Variants in PIK3C2G observed in about 807,000 individuals in gnomAD.
The protein encoded by PIK3C2G is phosphatidylinositol 3-kinase C2 domain-containing subunit gamma.
A neutral mutation model predicts 181.1 loss-of-function variants in PIK3C2G; 168 were observed. The ratio of observed to expected loss-of-function variants is 0.93; its 90% CI spans 0.82 to 1.05. The LOEUF (loss-of-function observed/expected upper bound fraction) is 1.05, where lower values mean the gene tolerates loss of function less well. PIK3C2G is among the 50% of genes least tolerant of loss of function. The probability of loss-of-function intolerance (pLI) is 0.00; values close to 1 mark genes in which losing one functional copy is unlikely to be tolerated. For missense variants in PIK3C2G, 1,869 were observed against 1,732.8 expected, an observed-to-expected ratio of 1.08 and a Z score of -1.40; for synonymous variants, 573 against 592.2, an observed-to-expected ratio of 0.97 and a Z score of 0.47.
intron 32 of PIK3C2G, among the ~76,000 whole-genome samples, chr12:18,644,499 TAGAA>T (rs1327244980): frequency 6.6e-6 from 1 of 152,142 alleles, no homozygotes; most frequent in African/African-American, 2.4e-5. Flanking sequence ...AAGGGAAAAT[TAGAA>T]AGAACAGAAC....
Position 18,548,221 on chromosome 12 carries a change from G to A in PIK3C2G, c.3590+1789G>A, listed in dbSNP as rs953063009. Among the ~76,000 whole-genome samples the A allele has an allele frequency of 3.9e-5, 6 of 151,982 alleles. No individual in the cohort carries two copies. In the East Asian group the frequency reaches 1.2e-3, roughly 30 times the overall value. On this transcript the variant is annotated intron_variant, in intron 26 of 32. Coordinates refer to ENST00000538779, the MANE Select transcript of PIK3C2G (RefSeq NM_001288772.2). The stretch of plus-strand genomic sequence containing the variant: ...CAATGATTGACATGTCAGTGGGGCT[G>A]GGTGGGAAGACAAAGGAGGAGCATG...
intron 16 of PIK3C2G, among the ~76,000 whole-genome samples, chr12:18,401,248 G>T (rs1592163809): frequency 6.6e-6 from 1 of 151,978 alleles, no homozygotes; most frequent in Admixed American, 6.6e-5. Context: ...GCAATTTGAG[G>T]ATATTATCAT....
rs1250901063 is a variant in PIK3C2G at position 18,540,506 on chromosome 12, TC to T, written c.3480+2195del. Among the ~76,000 whole-genome samples, 4 of 152,038 alleles carry T rather than the reference TC, an allele frequency of 2.6e-5. No homozygotes were observed. The East Asian group carries it at 7.8e-4, about 30-fold the overall frequency. The stretch of plus-strand genomic sequence containing the variant: ...TTTTTTCTCTTGTTTAATAAACTTT[TC>T]TACATACCTTAACAAAGCATTCAGC... On this transcript the variant is annotated intron_variant, in intron 25 of 32. Coordinates refer to ENST00000538779, the MANE Select transcript of PIK3C2G (RefSeq NM_001288772.2).
chr12:18,552,716 C>A (rs1944799336), intron 26 of PIK3C2G, among the ~76,000 whole-genome samples: 1 of 152,028 alleles, frequency 6.6e-6, no homozygotes, highest in Admixed American at 6.6e-5. Context: ...GCAGATATAA[C>A]CACTTATAAT....
At chr12:18,310,435 A>G (rs992827770) in intron 5 of PIK3C2G, among the ~76,000 whole-genome samples, 1 of 151,900 alleles carries the variant, frequency 6.6e-6, no homozygotes, top group African/African-American at 2.4e-5. Context: ...TTTTTAATCA[A>G]CTAATCTACT....
chr12:18,357,683 GT>G (rs758047927), intron 11 of PIK3C2G, among the ~76,000 whole-genome samples: 2 of 152,262 alleles, frequency 1.3e-5, no homozygotes, highest in Non-Finnish European at 2.9e-5. Flanking sequence ...TACTAAAAAA[GT>G]TTAATTGTAA....
At chr12:18,659,966 T>G in the PIK3C2G span, among the ~76,000 whole-genome samples, 1 of 152,090 alleles carries the variant, frequency 6.6e-6, no homozygotes, top group Non-Finnish European at 1.5e-5. Flanking sequence ...TAAAGAACAC[T>G]GCTAAAGATA....
In PIK3C2G at chr12:18,446,114, C is replaced by A. The variant is rs533086487; in HGVS notation, c.2504+22075C>A. 4.6e-5 allele frequency among the ~76,000 whole-genome samples: 7 copies of A among 152,264 alleles called. No individual in the cohort carries two copies. The East Asian group carries it at 1.2e-3, about 25-fold the overall frequency. ...GAGCAACAGCAACAGACTGTATAAT[C>A]TCCCCATATCTTTTTATATAAACAC... On this transcript the variant is annotated intron_variant, in intron 18 of 32. Coordinates refer to ENST00000538779, the MANE Select transcript of PIK3C2G (RefSeq NM_001288772.2).
intron 1 of PIK3C2G, among the ~76,000 whole-genome samples, chr12:18,251,203 TGTGA>T (rs1277290670): frequency 2.0e-5 from 3 of 152,006 alleles, no homozygotes; most frequent in Non-Finnish European, 4.4e-5. Context: ...TGCCTGAGAT[TGTGA>T]GTATTTATAG....
chr12:18,281,703 T>C (rs80292565), intron 1 of PIK3C2G, among the ~76,000 whole-genome samples: 1 of 152,022 alleles, frequency 6.6e-6, no homozygotes, highest in Non-Finnish European at 1.5e-5. Context: ...AAATGATAAG[T>C]GGATATTCAA....
Position 18,460,428 on chromosome 12 carries a change from G to C in PIK3C2G, c.2505-28021G>C, listed in dbSNP as rs190644306. Reference sequence around the variant, plus strand: ...CTCTACTAAAAATACAAAAAAATTAGCCAGGTGTGGTGGCACGCGCCTGTA... The same window carrying C: ...CTCTACTAAAAATACAAAAAAATTACCCAGGTGTGGTGGCACGCGCCTGTA... On this transcript the variant is annotated intron_variant, in intron 18 of 32. Transcript: ENST00000538779. 7.1e-3 allele frequency among the ~76,000 whole-genome samples: 1,075 copies of C among 151,802 alleles called. 22 individuals carry two copies. The South Asian group carries it at 0.075, about 11-fold the overall frequency.
At chr12:18,348,911 A>G (rs1311124421) in intron 11 of PIK3C2G, among the ~76,000 whole-genome samples, 1 of 152,154 alleles carries the variant, frequency 6.6e-6, no homozygotes, top group East Asian at 1.9e-4. Context: ...AGTCATCTCA[A>G]GCTCACTGGG....
At chr12:18,537,664 G>A (rs1488316368) in intron 24 of PIK3C2G, among the ~76,000 whole-genome samples, 1 of 151,904 alleles carries the variant, frequency 6.6e-6, no homozygotes, top group African/African-American at 2.4e-5. Flanking sequence ...CCTTCACTAA[G>A]CATATGCCAG....
chr12:18,451,225 A>T (rs7135430), intron 18 of PIK3C2G, among the ~76,000 whole-genome samples: 3 of 152,118 alleles, frequency 2.0e-5, no homozygotes, highest in South Asian at 4.1e-4. Context: ...ATTTCATTCC[A>T]TTTGTTTGTG....
At chr12:18,502,364 C>T (rs927124972) in intron 22 of PIK3C2G, among the ~76,000 whole-genome samples, 2 of 152,192 alleles carry the variant, frequency 1.3e-5, no homozygotes, top group African/African-American at 4.8e-5. Flanking sequence ...TCAACCATCT[C>T]TCTGTTCATA....
intron 4 of PIK3C2G, among the ~76,000 whole-genome samples, chr12:18,292,663 T>C (rs1238764668): frequency 1.3e-5 from 2 of 152,174 alleles, no homozygotes; most frequent in Non-Finnish European, 2.9e-5. Context: ...TATGTGAATA[T>C]GAGAAGACAA....
intron 6 of PIK3C2G, among the ~76,000 whole-genome samples, chr12:18,317,011 C>CTT (rs756099726): frequency 0.03 from 3,550 of 117,170 alleles, 268 homozygotes; most frequent in African/African-American, 0.11. Flanking sequence ...AGTCTTGATT[C>CTT]TTTTTTTTTT....
chr12:18,459,966 T>C (rs1270646233), intron 18 of PIK3C2G, among the ~76,000 whole-genome samples: 1 of 152,196 alleles, frequency 6.6e-6, no homozygotes, highest in Non-Finnish European at 1.5e-5. Context: ...GGTTTCACTA[T>C]GTTGACCAGG....
At chr12:18,349,191 A>C (rs1939977235) in intron 11 of PIK3C2G, among the ~76,000 whole-genome samples, 1 of 152,152 alleles carries the variant, frequency 6.6e-6, no homozygotes, top group South Asian at 2.1e-4. Context: ...ATCCTGTGGG[A>C]AAGCATGATA....
Sources: gnomAD v4.1 joint callset for allele counts (sites outside exome capture counted in the v4.1 genomes callset) on GRCh38, gnomAD v4.1.1 for gene constraint, MANE v1.5 for transcripts, NCBI Gene and HGNC (gene_info 2026-07-23, HGNC 2026-07-21) for gene names.